The following ZNF26 variants were observed in gnomAD, a reference collection of about 807,000 sequenced individuals.
The protein encoded by ZNF26 is epididymis luminal protein 179.
Under a neutral mutation model 54.9 loss-of-function variants are expected in ZNF26, and 32 were observed. The ratio of observed to expected loss-of-function variants is 0.58; its 90% CI spans 0.44 to 0.78. The LOEUF (loss-of-function observed/expected upper bound fraction) is 0.78, where lower values mean the gene tolerates loss of function less well. ZNF26 is among the 30% of genes least tolerant of loss of function. The probability of loss-of-function intolerance (pLI) is 0.00; values close to 1 mark genes in which losing one functional copy is unlikely to be tolerated. For missense variants in ZNF26, 524 were observed against 634.0 expected (o/e 0.83, Z 1.86); for synonymous variants, 221 against 209.2 (o/e 1.06, Z -0.49).
intron 1 of ZNF26, among the ~76,000 whole-genome samples, chr12:133,002,996 T>A (rs1953251405): frequency 6.6e-6 from 1 of 152,082 alleles, no homozygotes; most frequent in Non-Finnish European, 1.5e-5. Flanking sequence ...ACACCCACCC[T>A]GGAGACCCTA....
rs1440390382 is a variant in ZNF26, at chr12:133,018,954, A to AT, written c.*7474dup. 3 of 152,276 alleles carry AT rather than the reference A, an allele frequency of 2.0e-5. No individual in the cohort carries two copies. The highest frequency in any genetic ancestry group is 6.5e-5 in the Admixed American group (1 of 15,280). The allele number at this position is 152,276 out of a possible 1,614,324, so 9.4% of individuals were successfully genotyped here. ...AAAGACACAGATTGTCAAAGTGGTG[A>AT]TAAAAAAAAATCCAACCATGTACAG... is the stretch of plus-strand genomic sequence containing the variant. On this transcript the variant is annotated 3_prime_UTR_variant, in exon 4 of 4. Transcript: ENST00000328654.
At chr12:132,994,448 A>T (rs1953029043) in intron 1 of ZNF26, among the ~76,000 whole-genome samples, 3 of 152,200 alleles carry the variant, frequency 2.0e-5, no homozygotes, top group Admixed American at 2.0e-4. Flanking sequence ...ATTTTTGATG[A>T]TACAGTTGAT....
chr12:132,991,657 A>AC (rs1593634032), intron 1 of ZNF26, among the ~76,000 whole-genome samples: 1 of 148,762 alleles, frequency 6.7e-6, no homozygotes, highest in Non-Finnish European at 1.5e-5. Flanking sequence ...TAAAAAAAAA[A>AC]CCAGGTGTGC....
At chr12:133,009,335 G>C (rs1953416400) in intron 3 of ZNF26, among the ~76,000 whole-genome samples, 1 of 152,206 alleles carries the variant, frequency 6.6e-6, no homozygotes, top group African/African-American at 2.4e-5. Flanking sequence ...GCTCACACCT[G>C]TAATCCCAGT....
At position 133,011,429 on chromosome 12, in the gene ZNF26, A is replaced by G. The variant is rs1953470530; in HGVS notation, c.1550A>G (p.Lys517Arg). 1.3e-6 allele frequency: 2 copies of G among 1,589,024 alleles called. No individual in the cohort carries two copies. Among genetic ancestry groups the G allele is most frequent in the East Asian group, 2.2e-5 (1 of 44,616 alleles). ...CCATGGAAATGCTCTGAATGTGGGA[A>G]ATCCTTCTGTTGGAATTCAGGGCTT... ...EKPWKCSECGKSFCWNSGLRI... is the reference protein window; with the variant it reads ...EKPWKCSECGRSFCWNSGLRI... Residue 517 changes from lysine (K) to arginine (R), a missense_variant, in exon 4 of 4, where the codon AAA (lysine) becomes AGA (arginine). By Grantham distance (26) the Lys-to-Arg change is conservative. Transcript: ENST00000328654.
rs1388634110 is a variant in ZNF26, at chr12:133,024,379, CTG to C, written c.*12900_*12901del. 3 of 152,168 alleles carry C rather than the reference CTG, an allele frequency of 2.0e-5. No individual in the cohort carries two copies. The highest frequency in any genetic ancestry group is 4.8e-5 in the African/African-American group (2 of 41,430). The allele number at this position is 152,168 out of a possible 1,614,324, so 9.4% of individuals were successfully genotyped here. ...TTATGTAGTGACAGGTGTATCAACACTGTCACCTAATGTAAATGGAAAATAGA... is the reference window on the plus strand; with the variant it reads ...TTATGTAGTGACAGGTGTATCAACACTCACCTAATGTAAATGGAAAATAGA... On this transcript the variant is annotated 3_prime_UTR_variant, in exon 4 of 4. Transcript: ENST00000328654.
chr12:133,004,403 T>A (rs1040694583), intron 1 of ZNF26: 6 of 152,240 alleles, frequency 3.9e-5, no homozygotes, highest in Non-Finnish European at 8.8e-5. Flanking sequence ...ATCAATAGAT[T>A]TATGTTCTGC....
Position 133,018,655 on chromosome 12 carries a change from T to A in ZNF26, c.*7174T>A, listed in dbSNP as rs1953598849. 1 of 152,012 alleles carries A rather than the reference T, an allele frequency of 6.6e-6. No individual in the cohort carries two copies. The highest frequency in any genetic ancestry group is 1.5e-5 in the Non-Finnish European group (1 of 67,934). 9.4% of individuals were successfully genotyped at this position (152,012 alleles called of 1,614,324 possible). ...AAATCTAACTATATCAATAATAACT[T>A]TTTTTTAAGAGGGTCTTGCTCTATT... On this transcript the variant is annotated 3_prime_UTR_variant, in exon 4 of 4. Coordinates refer to ENST00000328654, the MANE Select transcript of ZNF26 (RefSeq NM_019591.4).
At position 133,007,429 on chromosome 12, in the gene ZNF26, A is replaced by G. The variant is rs1953355576; in HGVS notation, c.161-8A>G. The G allele has an allele frequency of 1.9e-6, 3 of 1,608,786 alleles. No individual in the cohort carries two copies. The highest frequency in any genetic ancestry group is 1.3e-5 in the African/African-American group (1 of 74,822). ...TGGTCCCCACCCTTTGTGATTTCCC[A>G]TCAACAGGGTATCATGGTACCAAGC... On this transcript the variant is annotated splice_region_variant and splice_polypyrimidine_tract_variant and intron_variant, in intron 2 of 3. Coordinates refer to ENST00000328654, the MANE Select transcript of ZNF26 (RefSeq NM_019591.4).
intron 1 of ZNF26, among the ~76,000 whole-genome samples, chr12:132,999,037 T>G (rs1413253064): frequency 2.0e-5 from 3 of 152,314 alleles, no homozygotes; most frequent in African/African-American, 7.2e-5. Flanking sequence ...CCAAACAGGA[T>G]GTCATTTGTT....
intron 1 of ZNF26, among the ~76,000 whole-genome samples, chr12:132,998,426 A>C (rs1237994253): frequency 6.6e-6 from 1 of 151,994 alleles, no homozygotes; most frequent in Non-Finnish European, 1.5e-5. Context: ...CAGCCTCCCA[A>C]AGTGCTGGGA....
intron 3 of ZNF26, among the ~76,000 whole-genome samples, chr12:133,009,204 C>T (rs1953412481): frequency 6.6e-6 from 1 of 152,240 alleles, no homozygotes; most frequent in South Asian, 2.1e-4. Context: ...TGGACTGCTA[C>T]AATAGCTTCC....
intron 1 of ZNF26, among the ~76,000 whole-genome samples, chr12:132,998,903 T>C (rs1329699622): frequency 3.3e-5 from 5 of 152,330 alleles, no homozygotes; most frequent in African/African-American, 1.2e-4. Flanking sequence ...AGTTTCCAAA[T>C]TTTGGAGAAA....
In ZNF26 at chr12:133,026,509, T is replaced by C. The variant is rs940707425; in HGVS notation, c.*15028T>C. On this transcript the variant is annotated 3_prime_UTR_variant, in exon 4 of 4. Transcript: ENST00000328654. ...CCAACCCATAAAAAGGACAACTTCA[T>C]ATAGTTCAACTTTTTTTTTTTTTTT... 1.8e-4 allele frequency: 25 copies of C among 139,536 alleles called. No individual in the cohort carries two copies. The highest frequency in any genetic ancestry group is 1.0e-3 in the Admixed American group (12 of 11,732). 8.6% of individuals were successfully genotyped at this position (139,536 alleles called of 1,614,324 possible).
Position 133,011,620 on chromosome 12 carries a change from A to G in ZNF26, c.*139A>G, listed in dbSNP as rs1953475415. ...AGAGAGACCAACCATATTTGGGATG[A>G]GTGTAAAAGCTTTCAGAAATAAGTT... On this transcript the variant is annotated 3_prime_UTR_variant, in exon 4 of 4. Transcript: ENST00000328654. 3 of 776,494 alleles carry G rather than the reference A, an allele frequency of 3.9e-6. No homozygotes were observed. The highest frequency in any genetic ancestry group is 3.0e-5 in the South Asian group (1 of 33,066). The allele number at this position is 776,494 out of a possible 1,614,324, so 48.1% of individuals were successfully genotyped here.
chr12:133,025,553 A>G lies in ZNF26; in HGVS notation c.*14072A>G, dbSNP rs1953692854. ...TCTCCTATCACACATTCTCTTCCAC[A>G]GTGTGCCTGCTATATATTTCTCCCA... is the stretch of plus-strand genomic sequence containing the variant. On this transcript the variant is annotated 3_prime_UTR_variant, in exon 4 of 4. Transcript: ENST00000328654. 1 of 152,224 alleles carries G rather than the reference A, an allele frequency of 6.6e-6. No individual in the cohort carries two copies. Among genetic ancestry groups the G allele is most frequent in the South Asian group, 2.1e-4 (1 of 4,830 alleles). 9.4% of individuals were successfully genotyped at this position (152,224 alleles called of 1,614,324 possible).
chr12:133,006,970 C>G, intron 1 of ZNF26, 72 bp from the exon 2 acceptor site: 1 of 1,531,956 alleles, frequency 6.5e-7, no homozygotes, highest in Non-Finnish European at 9.0e-7. Context: ...TATCCCTTCC[C>G]AGTTCCTCTG....
intron 1 of ZNF26, chr12:133,004,778 T>C (rs1172193923): frequency 6.6e-6 from 1 of 152,176 alleles, no homozygotes; most frequent in Admixed American, 6.5e-5. Flanking sequence ...GGTACCACAT[T>C]TGATGGATAT....
At chr12:132,990,842 A>C (rs1472125347) in intron 1 of ZNF26, among the ~76,000 whole-genome samples, 2 of 151,898 alleles carry the variant, frequency 1.3e-5, no homozygotes, top group Admixed American at 6.6e-5. Flanking sequence ...ACATAGTATG[A>C]TGTTCCTTTA....
Sources: allele counts gnomAD v4.1 joint callset (sites outside exome capture counted in the v4.1 genomes callset), GRCh38; gene constraint gnomAD v4.1.1; transcripts MANE v1.5; gene names NCBI Gene and HGNC (gene_info 2026-07-23, HGNC 2026-07-21).